MYH9: variants seen among roughly 807,000 people sequenced by gnomAD.
MYH9 encodes the protein myosin-9.
MYH9 carries 29 observed loss-of-function variants against 241.9 expected under a neutral mutation model. The observed-to-expected ratio is 0.12, with a 90% CI of 0.09 to 0.16. The LOEUF (loss-of-function observed/expected upper bound fraction) is 0.16. Among genes scored for constraint, MYH9 ranks in the 10% least tolerant of loss-of-function variants. The pLI is 1.00. For synonymous variants in MYH9, 1,047 were observed against 1,062.6 expected (o/e 0.99, Z 0.29); for missense variants, 1,803 against 2,595.5 (o/e 0.69, Z 6.63).
rs1434144706 is a variant in MYH9, at chr22:36,305,912, C to A, written c.2159+18G>T. On this transcript the variant is annotated intron_variant, in intron 17 of 40. Coordinates refer to ENST00000216181, the MANE Select transcript of MYH9 (RefSeq NM_002473.6). This position sits in a 1 kb window ranked among gnomAD's most constrained non-coding sequence, Gnocchi z 4.7. The stretch of plus-strand genomic sequence containing the variant: ...CACAGCAGGGCCCAGGAGAAGCGGG[C>A]TCCGGGCCCTGGCTCACCTCTGCCG... The A allele has an allele frequency of 4.3e-6, 7 of 1,612,554 alleles. No individual in the cohort carries two copies. The highest frequency in any genetic ancestry group is 4.2e-6 in the Non-Finnish European group (5 of 1,179,770).
intron 11 of MYH9, among the ~76,000 whole-genome samples, chr22:36,317,649 G>C (rs796290246): frequency 1.3e-5 from 2 of 152,356 alleles, no homozygotes; most frequent in African/African-American, 4.8e-5. Flanking sequence ...CACCATAAAA[G>C]AAACTAGAAA....
Position 36,314,214 on chromosome 22 carries a change from C to G in MYH9, c.1485G>C (p.Glu495Asp), listed in dbSNP as rs2017114355. The part of the protein sequence containing the change: ...FILEQEEYQR[E>D]GIEWNFIDFG... ...AGTCGATGAAGTTCCACTCGATGCC[C>G]TCGCGCTGGTACTCCTCCTGCTCCA... The change falls in exon 13 of 41, where the codon GAG (glutamate) becomes GAC (aspartate). Residue 495 changes from glutamate to aspartate, a missense_variant. Glu to Asp is a conservative substitution (Grantham distance 45, BLOSUM62 2). This residue lies in a region of MYH9 where 163 missense variants were observed against 349.7 expected (regional missense o/e 0.47). Coordinates refer to ENST00000216181, the MANE Select transcript of MYH9 (RefSeq NM_002473.6). 3.1e-6 allele frequency: 5 copies of G among 1,614,262 alleles called. No individual in the cohort carries two copies. Among genetic ancestry groups the G allele is most frequent in the Non-Finnish European group, 4.2e-6 (5 of 1,180,044 alleles).
intron 1 of MYH9, among the ~76,000 whole-genome samples, chr22:36,360,301 C>A (rs1244469421): frequency 6.6e-6 from 1 of 152,102 alleles, no homozygotes; most frequent in Admixed American, 6.6e-5. Context: ...ATAAAGACAG[C>A]AATTTGCAGA....
intron 1 of MYH9, among the ~76,000 whole-genome samples, chr22:36,375,302 G>A (rs560240362): frequency 2.6e-5 from 4 of 152,318 alleles, no homozygotes; most frequent in African/African-American, 7.2e-5. Flanking sequence ...CTGGATTCAC[G>A]CTGGGGCCAG....
chr22:36,333,078 A>AT (rs2017448578), intron 3 of MYH9, among the ~76,000 whole-genome samples: 1 of 152,204 alleles, frequency 6.6e-6, no homozygotes, highest in African/African-American at 2.4e-5. Flanking sequence ...TCAACAGGGA[A>AT]TAAGAGGGAA....
intron 25 of MYH9, among the ~76,000 whole-genome samples, chr22:36,296,292 T>C (rs1269647802): frequency 1.3e-5 from 2 of 152,128 alleles, no homozygotes; most frequent in Non-Finnish European, 2.9e-5. Flanking sequence ...TGGAGTGCAA[T>C]GGCACGATCT....
chr22:36,381,579 C>G (rs752956922), intron 1 of MYH9, among the ~76,000 whole-genome samples: 1 of 151,998 alleles, frequency 6.6e-6, no homozygotes, highest in African/African-American at 2.4e-5. Flanking sequence ...TTGCCTAGAC[C>G]CTAGGCAACC....
intron 5 of MYH9, among the ~76,000 whole-genome samples, chr22:36,323,218 G>T (rs2017284148): frequency 6.6e-6 from 1 of 152,206 alleles, no homozygotes; most frequent in Non-Finnish European, 1.5e-5. Flanking sequence ...ATACTCACGG[G>T]GCAGGACAGA....
At chr22:36,337,035 C>T (rs1048555516) in intron 3 of MYH9, among the ~76,000 whole-genome samples, 8 of 152,216 alleles carry the variant, frequency 5.3e-5, no homozygotes, top group East Asian at 1.9e-4. Context: ...ATTCCTGCAT[C>T]GAGTCTCAAA....
chr22:36,287,669 G>A (rs186078539), intron 34 of MYH9, among the ~76,000 whole-genome samples: 69 of 152,308 alleles, frequency 4.5e-4, no homozygotes, highest in Admixed American at 3.1e-3. Context: ...GTGAACCCGG[G>A]AGGCGGAGCT....
In MYH9 at chr22:36,321,743, G is replaced by A. The variant is rs201691359; in HGVS notation, c.769+15C>T. ...CCGGATCCAGGACTCTTATCCCAAC[G>A]AACCACAAGGATACAAGTCTCAATG... is the stretch of plus-strand genomic sequence containing the variant. On this transcript the variant is annotated intron_variant, in intron 7 of 40. Coordinates refer to ENST00000216181, the MANE Select transcript of MYH9 (RefSeq NM_002473.6). 3.2e-4 allele frequency: 511 copies of A among 1,612,878 alleles called. 3 individuals are homozygous for A. Among genetic ancestry groups the A allele is most frequent in the Middle Eastern group, 2.3e-3 (14 of 6,060 alleles).
At chr22:36,381,345 T>C (rs2018252280) in intron 1 of MYH9, among the ~76,000 whole-genome samples, 1 of 151,752 alleles carries the variant, frequency 6.6e-6, no homozygotes, top group South Asian at 2.1e-4. Flanking sequence ...TGAAACCCCG[T>C]CTCTACTAAA....
At chr22:36,384,248 G>A (rs888895294) in intron 1 of MYH9, among the ~76,000 whole-genome samples, 3 of 151,620 alleles carry the variant, frequency 2.0e-5, no homozygotes, top group African/African-American at 4.8e-5. Context: ...TCTAGCCTGG[G>A]CGAGAGTGAG....
chr22:36,361,799 C>T (rs764091001), intron 1 of MYH9, among the ~76,000 whole-genome samples: 25 of 152,118 alleles, frequency 1.6e-4, no homozygotes, highest in Non-Finnish European at 2.5e-4. Flanking sequence ...TGGGGGTGTA[C>T]GGTGGCTCAC....
intron 20 of MYH9, 133 bp downstream of exon 20, chr22:36,302,435 C>A (rs185169008): frequency 2.2e-5 from 16 of 742,168 alleles, no homozygotes; most frequent in African/African-American, 3.4e-5. Flanking sequence ...ATTGCTGGAG[C>A]CCAAGAGTTT....
rs67602880 is a variant in MYH9, at chr22:36,332,661, TAAAAAAAAAAAAAAAA to T, written c.491-5189_491-5174del. Among the ~76,000 whole-genome samples the T allele has an allele frequency of 1.5e-3, 65 of 44,514 alleles. No individual in the cohort carries two copies. The East Asian group carries it at 0.062, about 43-fold the overall frequency. The allele number at this position is 44,514 out of a possible 152,430, so 29.2% of individuals were successfully genotyped here. ...TCCCCCTCCAGACACTCTGGATAAT[TAAAAAAAAAAAAAAAA>T]AAAAAAAAAAAAACCTCAAGGTATT... is the stretch of plus-strand genomic sequence containing the variant. On this transcript the variant is annotated intron_variant, in intron 3 of 40. Transcript: ENST00000216181.
chr22:36,356,017 C>A (rs1239027845), intron 1 of MYH9, among the ~76,000 whole-genome samples: 1 of 152,182 alleles, frequency 6.6e-6, no homozygotes, highest in Non-Finnish European at 1.5e-5. Flanking sequence ...GTTCTCTGTG[C>A]CCAGTCTGCC....
At chr22:36,346,998 A>G (rs1203198320) in intron 2 of MYH9, among the ~76,000 whole-genome samples, 1 of 152,208 alleles carries the variant, frequency 6.6e-6, no homozygotes, top group African/African-American at 2.4e-5. Flanking sequence ...CTAGGGCAAC[A>G]TAAAGAAATA....
chr22:36,293,372 G>GCCT lies in MYH9; in HGVS notation c.4049_4051dup (p.Glu1350dup). The stretch of plus-strand genomic sequence containing the variant: ...GATCTGCTTCTCCAGGTTGTGCTTG[G>GCCT]CCTCCTCCTCCTCCTCCAGCTGCTC... On this transcript the variant is annotated inframe_insertion, in exon 30 of 41. Transcript: ENST00000216181. This position sits in a 1 kb window ranked among gnomAD's most constrained non-coding sequence, Gnocchi z 5.1. 1 of 1,613,828 alleles carries GCCT rather than the reference G, an allele frequency of 6.2e-7. No individual in the cohort carries two copies. Among genetic ancestry groups the GCCT allele is most frequent in the Non-Finnish European group, 8.5e-7 (1 of 1,179,948 alleles).
Sources: gnomAD v4.1 joint callset for allele counts (sites outside exome capture counted in the v4.1 genomes callset) on GRCh38, gnomAD v4.1.1 for gene constraint, gnomAD v4.1.1 regional missense constraint, Gnocchi (gnomAD v3.1) non-coding constraint, MANE v1.5 for transcripts, NCBI Gene and HGNC (gene_info 2026-07-23, HGNC 2026-07-21) for gene names.